The following TIMM44 variants were observed in gnomAD, a reference collection of about 807,000 sequenced individuals.
TIMM44 encodes the protein translocase of inner mitochondrial membrane 44.
In TIMM44, 37 loss-of-function variants were observed where a neutral mutation model predicts 63.8. The ratio of observed to expected loss-of-function variants is 0.58; its 90% confidence interval spans 0.45 to 0.76. TIMM44 has a LOEUF of 0.76. Ranked by LOEUF, TIMM44 falls within the 30% of genes least tolerant of loss-of-function variation. The pLI is 0.00. For missense variants in TIMM44, 573 were observed against 603.8 expected, an observed-to-expected ratio of 0.95 and a Z score of 0.54; for synonymous variants, 239 against 245.1, an observed-to-expected ratio of 0.98 and a Z score of 0.23.
chr19:7,928,076 CGTCGACGTTGTCAAT>C lies in TIMM44; in HGVS notation c.1114_1128del (p.Ile372_Asp376del). 1 of 1,613,558 alleles carries C rather than the reference CGTCGACGTTGTCAAT, an allele frequency of 6.2e-7. No individual in the cohort carries two copies. The highest frequency in any genetic ancestry group is 8.5e-7 in the Non-Finnish European group (1 of 1,179,692). ...CCGGGCCCCCACTGCGAGGTGCTTA[CGTCGACGTTGTCAAT>C]GTCTAGGATGCGAGAATGGAACTGG... On this transcript the variant is annotated inframe_deletion and splice_region_variant, in exon 11 of 13. Coordinates refer to ENST00000270538, the MANE Select transcript of TIMM44 (RefSeq NM_006351.4).
At chr19:7,930,345 G>C (rs1226814609) in intron 10 of TIMM44, among the ~76,000 whole-genome samples, 4 of 117,932 alleles carry the variant, frequency 3.4e-5, no homozygotes, top group Non-Finnish European at 6.6e-5. Flanking sequence ...ATCTTGCTCT[G>C]TTGCCCAGGC....
In TIMM44 at chr19:7,934,644, C is replaced by G. The variant is rs959550236; in HGVS notation, c.394-406G>C. ...CAGCAAGGATTCCCAAGGAGGGGAC[C>G]CCGGGGAAAGAACGGCGGTGAGGGC... On this transcript the variant is annotated intron_variant, in intron 4 of 12. Transcript: ENST00000270538. This position sits in a 1 kb window ranked among gnomAD's most constrained non-coding sequence, Gnocchi z 5.3. 2.0e-5 allele frequency among the ~76,000 whole-genome samples: 3 copies of G among 152,222 alleles called. No individual in the cohort carries two copies. Among genetic ancestry groups the G allele is most frequent in the South Asian group, 2.1e-4 (1 of 4,822 alleles).
In TIMM44 at chr19:7,931,159, G is replaced by A. The variant is rs768698202; in HGVS notation, c.1017C>T (p.Leu339=). The change falls in exon 10 of 13, where the codon CTC becomes CTT. Residue 339 remains leucine (L), a synonymous_variant. Coordinates refer to ENST00000270538, the MANE Select transcript of TIMM44 (RefSeq NM_006351.4). The part of the protein sequence containing the change: ...EAMISGELDI[L]KDWCYEATYS... ...TCACAGCTTCATAGCACCAGTCTTT[G>A]AGAATGTCAAGCTCTCCAGAAATCA... 5 of 1,613,570 alleles carry A rather than the reference G, an allele frequency of 3.1e-6. No homozygotes were observed. Among genetic ancestry groups the A allele is most frequent in the Admixed American group, 1.7e-5 (1 of 60,000 alleles).
Position 7,927,085 on chromosome 19 carries a change from C to T in TIMM44, c.*102G>A. ...CGTCCTGGCAGAGCTGGGGGCAGAG[C>T]CCGCAGTCTTGTTCCCAGAGGTCTG... On this transcript the variant is annotated 3_prime_UTR_variant, in exon 13 of 13. Coordinates refer to ENST00000270538, the MANE Select transcript of TIMM44 (RefSeq NM_006351.4). 2 of 1,487,698 alleles carry T rather than the reference C, an allele frequency of 1.3e-6. No homozygotes were observed. Among genetic ancestry groups the T allele is most frequent in the East Asian group, 5.0e-5 (2 of 40,314 alleles). 92.2% of individuals were successfully genotyped at this position (1,487,698 alleles called of 1,614,324 possible).
chr19:7,933,082 A>T lies in TIMM44; in HGVS notation c.770-150T>A. 1 of 718,532 alleles carries T rather than the reference A, an allele frequency of 1.4e-6. No individual in the cohort carries two copies. Among genetic ancestry groups the T allele is most frequent in the South Asian group, 1.5e-5 (1 of 66,216 alleles). 44.5% of individuals were successfully genotyped at this position (718,532 alleles called of 1,614,324 possible). ...GGGACGGCTGTGGACCTGCATCCTCATCTGTGCTTGGGGACCGCTGCCTGC... is the reference window on the plus strand; with the variant it reads ...GGGACGGCTGTGGACCTGCATCCTCTTCTGTGCTTGGGGACCGCTGCCTGC... On this transcript the variant is annotated intron_variant, in intron 7 of 12. Transcript: ENST00000270538. This position sits in a 1 kb window ranked among gnomAD's most constrained non-coding sequence, Gnocchi z 4.3.
rs557060255 is a variant in TIMM44 at position 7,943,452 on chromosome 19, C to G, written c.45+155G>C. ...GCCCTCAGGCCACGCTCTGTGCCCCCTGTCCTGGCCTCTGCTACCCAAAGA... is the reference window on the plus strand; with the variant it reads ...GCCCTCAGGCCACGCTCTGTGCCCCGTGTCCTGGCCTCTGCTACCCAAAGA... On this transcript the variant is annotated intron_variant, in intron 1 of 12. Transcript: ENST00000270538. This position sits in a 1 kb window ranked among gnomAD's most constrained non-coding sequence, Gnocchi z 4.3. Among the ~76,000 whole-genome samples the G allele has an allele frequency of 6.6e-6, 1 of 152,348 alleles. No individual in the cohort carries two copies. Among genetic ancestry groups the G allele is most frequent in the Admixed American group, 6.5e-5 (1 of 15,308 alleles).
chr19:7,940,591 C>T (rs929707953), intron 2 of TIMM44, among the ~76,000 whole-genome samples: 3 of 152,120 alleles, frequency 2.0e-5, no homozygotes, highest in African/African-American at 7.2e-5. Flanking sequence ...AATGTACGCG[C>T]TGCCCGAATG....
Position 7,926,889 on chromosome 19 carries a change from CCCTGGGG to C in TIMM44, c.*291_*297del, listed in dbSNP as rs1264750073. The C allele has an allele frequency of 9.4e-6, 4 of 425,988 alleles. No individual in the cohort carries two copies. Among genetic ancestry groups the C allele is most frequent in the Admixed American group, 3.6e-5 (1 of 28,076 alleles). The allele number at this position is 425,988 out of a possible 1,614,324, so 26.4% of individuals were successfully genotyped here. ...CCCTGCTGTGGGGGGAGTCCCTGGG[CCCTGGGG>C]CCTCTTGGCACTGTGTGACCTGTGT... On this transcript the variant is annotated 3_prime_UTR_variant, in exon 13 of 13. Transcript: ENST00000270538.
rs1227038017 is a variant in TIMM44 at position 7,932,650 on chromosome 19, C to T, written c.964G>A (p.Asp322Asn). The change falls in exon 9 of 13, where the codon GAC becomes AAC. Residue 322 changes from aspartate (D) to asparagine (N), a missense_variant. Asp to Asn is a conservative substitution (Grantham distance 23, BLOSUM62 1). Coordinates refer to ENST00000270538, the MANE Select transcript of TIMM44 (RefSeq NM_006351.4). ...ACCTCCAGGACATTGGGGATGATGTCGTTCTCGCACTGTTTCAGAAACCGG... is the reference window on the plus strand; with the variant it reads ...ACCTCCAGGACATTGGGGATGATGTTGTTCTCGCACTGTTTCAGAAACCGG... ...KDRFLKQCENDIIPNVLEAMI... is the reference protein window; with the variant it reads ...KDRFLKQCENNIIPNVLEAMI... 1.2e-6 allele frequency: 2 copies of T among 1,613,968 alleles called. No individual in the cohort carries two copies. The highest frequency in any genetic ancestry group is 2.2e-5 in the East Asian group (1 of 44,868).
chr19:7,943,569 C>T lies in TIMM44; in HGVS notation c.45+38G>A. ...CTTGGTGGCCGAAGGCCCAGAAGAC[C>T]CCTAAGCTCGCCCTGCCAGCGCCGC... On this transcript the variant is annotated intron_variant, in intron 1 of 12. Transcript: ENST00000270538. The surrounding 1 kb of genome is among the most constrained non-coding windows in gnomAD (Gnocchi z 4.3). 2 of 1,562,552 alleles carry T rather than the reference C, an allele frequency of 1.3e-6. No individual in the cohort carries two copies. The highest frequency in any genetic ancestry group is 1.7e-6 in the Non-Finnish European group (2 of 1,160,104).
At position 7,943,524 on chromosome 19, in the gene TIMM44, C is replaced by CA; in HGVS notation, c.45+82dup. The stretch of plus-strand genomic sequence containing the variant: ...GAGCCCAAGCAAGGGTCGCGAAGGC[C>CA]AAGGGTCTGAGAAGAAAGCCTTGGT... On this transcript the variant is annotated intron_variant, in intron 1 of 12. Transcript: ENST00000270538. This position sits in a 1 kb window ranked among gnomAD's most constrained non-coding sequence, Gnocchi z 4.3. 6.7e-7 allele frequency: 1 copy of CA among 1,488,940 alleles called. No individual in the cohort carries two copies. The highest frequency in any genetic ancestry group is 2.5e-5 in the East Asian group (1 of 40,724). 92.2% of individuals were successfully genotyped at this position (1,488,940 alleles called of 1,614,324 possible).
Position 7,927,776 on chromosome 19 carries a change from G to A in TIMM44, c.1129-9C>T. On this transcript the variant is annotated splice_polypyrimidine_tract_variant and intron_variant, in intron 11 of 12. Transcript: ENST00000270538. ...ATCTTGCCCATGGCCAGCTGCAGAG[G>A]GGCCGAGAGGGGGGATGTGCCTCAG... 1 of 1,608,166 alleles carries A rather than the reference G, an allele frequency of 6.2e-7. No homozygotes were observed. The highest frequency in any genetic ancestry group is 8.5e-7 in the Non-Finnish European group (1 of 1,179,234).
Position 7,926,900 on chromosome 19 carries a change from CTT to C in TIMM44, c.*285_*286del, listed in dbSNP as rs1234426525. On this transcript the variant is annotated 3_prime_UTR_variant, in exon 13 of 13. Transcript: ENST00000270538. ...GGGGAGTCCCTGGGCCCTGGGGCCTCTTGGCACTGTGTGACCTGTGTGCACCC... is the reference window on the plus strand; with the variant it reads ...GGGGAGTCCCTGGGCCCTGGGGCCTCGGCACTGTGTGACCTGTGTGCACCC... 2.2e-6 allele frequency: 1 copy of C among 445,726 alleles called. No individual in the cohort carries two copies. Among genetic ancestry groups the C allele is most frequent in the African/African-American group, 2.0e-5 (1 of 50,034 alleles). 27.6% of individuals were successfully genotyped at this position (445,726 alleles called of 1,614,324 possible).
rs1270886597 is a variant in TIMM44, at chr19:7,943,631, C to A, written c.21G>T (p.Arg7=). 5 of 1,569,584 alleles carry A rather than the reference C, an allele frequency of 3.2e-6. No homozygotes were observed. Among genetic ancestry groups the A allele is most frequent in the South Asian group, 1.2e-5 (1 of 86,936 alleles). The change falls in exon 1 of 13, where the codon CGG becomes CGT. Residue 7 remains arginine, a synonymous_variant. Transcript: ENST00000270538. This position sits in a 1 kb window ranked among gnomAD's most constrained non-coding sequence, Gnocchi z 4.3. ...CCCGTGGACAGCGGCACCAGCCACT[C>A]CGCAGGGCCGCCGCCGCCATGTTGG... MAAAAL[R]SGWCRCPRRC... is the part of the protein sequence containing the mutation.
intron 3 of TIMM44, among the ~76,000 whole-genome samples, chr19:7,937,632 C>T (rs1036930069): frequency 6.6e-6 from 1 of 152,238 alleles, no homozygotes; most frequent in African/African-American, 2.4e-5. Flanking sequence ...ACGAGCCACC[C>T]TGCCCCCAAC....
At chr19:7,927,893 C>A in intron 11 of TIMM44, 126 bp from the exon 12 acceptor site, 1 of 1,139,136 alleles carries the variant, frequency 8.8e-7, no homozygotes, top group South Asian at 1.3e-5. Flanking sequence ...ACCGGTCCCT[C>A]CCCGTGGGCC....
intron 4 of TIMM44, 28 bp downstream of exon 4, chr19:7,935,037 C>A (rs534428755): frequency 1.3e-6 from 2 of 1,597,810 alleles, no homozygotes; most frequent in South Asian, 1.1e-5. Context: ...ATGGCCCCAG[C>A]GGCTCCAGGC....
At chr19:7,940,933 G>A (rs1984290137) in intron 2 of TIMM44, among the ~76,000 whole-genome samples, 169 bp downstream of exon 2, 1 of 151,924 alleles carries the variant, frequency 6.6e-6, no homozygotes, top group South Asian at 2.1e-4. Flanking sequence ...CTGGGACCGA[G>A]AAGGCCAGGC....
In TIMM44 at chr19:7,934,385, C is replaced by T; in HGVS notation, c.394-147G>A. 2.8e-6 allele frequency: 3 copies of T among 1,075,736 alleles called. No homozygotes were observed. Among genetic ancestry groups the T allele is most frequent in the East Asian group, 2.5e-5 (1 of 40,708 alleles). The allele number at this position is 1,075,736 out of a possible 1,614,324, so 66.6% of individuals were successfully genotyped here. On this transcript the variant is annotated intron_variant, in intron 4 of 12. Transcript: ENST00000270538. This position sits in a 1 kb window ranked among gnomAD's most constrained non-coding sequence, Gnocchi z 5.3. ...CCTTCTGTGCTCCTGTGGTACGCGG[C>T]ACCCCCAGAGCCATGAGCACAACGG...
Sources: allele counts gnomAD v4.1 joint callset (sites outside exome capture counted in the v4.1 genomes callset), GRCh38; gene constraint gnomAD v4.1.1; non-coding constraint Gnocchi (gnomAD v3.1); transcripts MANE v1.5; gene names NCBI Gene and HGNC (gene_info 2026-07-23, HGNC 2026-07-21).